Variants in SATL1 observed in about 807,000 individuals in gnomAD.
SATL1 encodes spermidine/spermine N(1)-acetyltransferase-like protein 1.
A neutral mutation model predicts 51.8 loss-of-function variants in SATL1; 47 were observed. That is an observed-to-expected ratio of 0.91 (90% confidence interval 0.72 to 1.16). The LOEUF is 1.16. SATL1 is among the 50% of genes most tolerant of loss of function. The pLI, the probability that SATL1 is intolerant of heterozygous loss-of-function variation, is 0.00. For missense variants in SATL1, 520 were observed against 526.4 expected, an observed-to-expected ratio of 0.99 and a Z score of 0.12; for synonymous variants, 176 against 182.4, an observed-to-expected ratio of 0.97 and a Z score of 0.28.
intron 2 of SATL1, among the ~76,000 whole-genome samples, chrX:85,131,283 A>C (rs1354921682): frequency 9.0e-6 from 1 of 111,339 alleles, no homozygotes; most frequent in Non-Finnish European, 1.9e-5. Context: ...TGGGGGTCTA[A>C]GTCTCTTCGT....
At chrX:85,095,822 T>A (rs1924698855) in intron 4 of SATL1, among the ~76,000 whole-genome samples, 1 of 39,613 alleles carries the variant, frequency 2.5e-5, no homozygotes. Context: ...CGAGACTCCG[T>A]CTCAAAAAAA....
intron 1 of SATL1, among the ~76,000 whole-genome samples, chrX:85,235,311 C>A (rs1928458285): frequency 9.0e-6 from 1 of 110,753 alleles, no homozygotes; most frequent in Non-Finnish European, 1.9e-5. Context: ...TACAAAAAAT[C>A]AACAAAGAAA....
In SATL1 at chrX:85,128,810, A is replaced by G. The variant is rs764256943; in HGVS notation, c.-312-19530T>C. On this transcript the variant is annotated intron_variant, in intron 2 of 7. Transcript: ENST00000644105. ...ACATTTAAGTCCTTAATCCATCTCG[A>G]ATTAATTTTTGTATAAGGTGTAAGG... Among the ~76,000 whole-genome samples the G allele has an allele frequency of 4.5e-3, 505 of 111,765 alleles. 2 individuals carry two copies. The highest frequency in any genetic ancestry group is 9.0e-3 in the Admixed American group (95 of 10,533).
intron 2 of SATL1, among the ~76,000 whole-genome samples, chrX:85,219,915 A>G (rs1168017797): frequency 9.1e-6 from 1 of 109,982 alleles, no homozygotes; most frequent in Non-Finnish European, 1.9e-5. Flanking sequence ...CTACACAGAA[A>G]AAAACACCCA....
intron 2 of SATL1, among the ~76,000 whole-genome samples, chrX:85,181,043 C>T (rs955432644): frequency 9.2e-6 from 1 of 108,805 alleles, no homozygotes; most frequent in Non-Finnish European, 1.9e-5. Context: ...AAAAATGTGT[C>T]ATTTGATAAA....
At chrX:85,177,425 C>T (rs1214162745) in intron 2 of SATL1, among the ~76,000 whole-genome samples, 1 of 111,225 alleles carries the variant, frequency 9.0e-6, no homozygotes, top group Non-Finnish European at 1.9e-5. Flanking sequence ...TGTTGCGAAC[C>T]TCTCAGGTCC....
At chrX:85,231,501 G>C (rs1338141056) in intron 1 of SATL1, among the ~76,000 whole-genome samples, 1 of 112,149 alleles carries the variant, frequency 8.9e-6, no homozygotes, top group Non-Finnish European at 1.9e-5. Flanking sequence ...CACAGTACTA[G>C]ATTTAACTTC....
intron 1 of SATL1, among the ~76,000 whole-genome samples, chrX:85,235,464 T>TA (rs1308159950): frequency 2.7e-4 from 26 of 95,439 alleles, no homozygotes; most frequent in African/African-American, 1.1e-3. Flanking sequence ...CTTAAGAAAT[T>TA]CAAAAAAAAT....
intron 2 of SATL1, among the ~76,000 whole-genome samples, chrX:85,147,690 G>A (rs969613329): frequency 1.3e-4 from 14 of 111,984 alleles, no homozygotes; most frequent in African/African-American, 3.2e-4. Context: ...TGCAGCCACC[G>A]CTGCTGATAC....
chrX:85,197,553 T>G (rs1317259159), intron 2 of SATL1, among the ~76,000 whole-genome samples: 1 of 109,547 alleles, frequency 9.1e-6, no homozygotes, highest in African/African-American at 3.3e-5. Flanking sequence ...ATGTGCAGGT[T>G]AGTTACATAT....
At chrX:85,212,050 A>G (rs1311406047) in intron 2 of SATL1, 3 of 111,673 alleles carry the variant, frequency 2.7e-5, no homozygotes, top group Non-Finnish European at 5.7e-5. Flanking sequence ...CCTTCCCAGA[A>G]GAACTGTATC....
At chrX:85,125,141 G>A (rs1409319581) in intron 2 of SATL1, among the ~76,000 whole-genome samples, 2 of 110,369 alleles carry the variant, frequency 1.8e-5, no homozygotes, top group African/African-American at 3.3e-5. Context: ...GAGAACTATA[G>A]GCAAGAAAAA....
chrX:85,145,978 G>T (rs1405611016), intron 2 of SATL1, among the ~76,000 whole-genome samples: 2 of 107,281 alleles, frequency 1.9e-5, no homozygotes, highest in African/African-American at 6.8e-5. Context: ...CTCACTGCAA[G>T]CTCCGCCTCC....
chrX:85,109,097 G>T lies in SATL1; in HGVS notation c.-129C>A. The T allele has an allele frequency of 1.6e-6, 1 of 608,234 alleles. No individual in the cohort carries two copies. The highest frequency in any genetic ancestry group is 2.3e-5 in the African/African-American group (1 of 44,402). The allele number at this position is 608,234 out of a possible 1,213,427, so 50.1% of individuals were successfully genotyped here. A position where few individuals can be genotyped will look rare whatever the true frequency, so the allele number is the denominator to read the frequency against. ...ACTGTGCTGTGGTGGGAGGTTGTTG[G>T]CTGTTCCCAGTTCTTCTCAATTTGA... On this transcript the variant is annotated 5_prime_UTR_variant, in exon 3 of 8. Coordinates refer to ENST00000644105, the MANE Select transcript of SATL1 (RefSeq NM_001367857.2).
chrX:85,100,992 T>C (rs1190818856), intron 4 of SATL1, among the ~76,000 whole-genome samples: 1 of 111,920 alleles, frequency 8.9e-6, no homozygotes, highest in Non-Finnish European at 1.9e-5. Context: ...AAACTGAATA[T>C]CCATATGCAA....
chrX:85,104,161 A>G (rs1924971598), intron 3 of SATL1, among the ~76,000 whole-genome samples: 1 of 111,647 alleles, frequency 9.0e-6, no homozygotes, highest in Non-Finnish European at 1.9e-5. Flanking sequence ...AATGTTAATT[A>G]TCCAGATTAG....
chrX:85,151,668 C>T, intron 2 of SATL1, among the ~76,000 whole-genome samples: 1 of 111,253 alleles, frequency 9.0e-6, no homozygotes, highest in Non-Finnish European at 1.9e-5. Context: ...TGCCGCATAT[C>T]TACAACCATC....
Position 85,094,233 on chromosome X carries a change from G to C in SATL1, c.1775-4C>G. On this transcript the variant is annotated splice_polypyrimidine_tract_variant and splice_region_variant and intron_variant, in intron 5 of 7. Coordinates refer to ENST00000644105, the MANE Select transcript of SATL1 (RefSeq NM_001367857.2). ...GCAAATCCAACAGTCAGTTTGCCTA[G>C]GAAGGGAGAAGAAAGGGTGTAGAAA... The C allele has an allele frequency of 9.2e-7, 1 of 1,082,980 alleles. No individual in the cohort carries two copies. The highest frequency in any genetic ancestry group is 1.3e-6 in the Non-Finnish European group (1 of 780,491). The allele number at this position is 1,082,980 out of a possible 1,213,427, so 89.2% of individuals were successfully genotyped here. A position where few individuals can be genotyped will look rare whatever the true frequency, so the allele number is the denominator to read the frequency against.
intron 2 of SATL1, among the ~76,000 whole-genome samples, chrX:85,168,593 C>T (rs1384788460): frequency 1.8e-5 from 2 of 111,150 alleles, no homozygotes; most frequent in African/African-American, 6.5e-5. Flanking sequence ...ACAATGAGAA[C>T]TACAAAACAC....
Sources: allele counts gnomAD v4.1 joint callset (sites outside exome capture counted in the v4.1 genomes callset), GRCh38; gene constraint gnomAD v4.1.1; transcripts MANE v1.5; gene names NCBI Gene and HGNC (gene_info 2026-07-23, HGNC 2026-07-21).